Variants in TM4SF20 observed in about 807,000 individuals in gnomAD.
TM4SF20 encodes transmembrane 4 L six family member 20.
Under a neutral mutation model 15.1 loss-of-function variants are expected in TM4SF20, and 13 were observed. The ratio of observed to expected loss-of-function variants is 0.86; its 90% CI spans 0.56 to 1.36. TM4SF20 has a LOEUF of 1.36. Among genes scored for constraint, TM4SF20 ranks in the 40% most tolerant of loss-of-function variants. The pLI is 0.00. For missense variants in TM4SF20, 282 were observed against 268.4 expected, an observed-to-expected ratio of 1.05 and a Z score of -0.35; for synonymous variants, 92 against 96.6, an observed-to-expected ratio of 0.95 and a Z score of 0.28.
At chr2:227,371,021 C>T in intron 1 of TM4SF20, 41 bp from the exon 2 acceptor site, 1 of 1,537,794 alleles carries the variant, frequency 6.5e-7, no homozygotes, top group South Asian at 1.1e-5. Flanking sequence ...ATTATAACTT[C>T]TCATCAGAAG....
In TM4SF20 at chr2:227,363,627, G is replaced by C. The variant is rs530635987; in HGVS notation, c.*97C>G. On this transcript the variant is annotated 3_prime_UTR_variant, in exon 4 of 4. Coordinates refer to ENST00000304568, the MANE Select transcript of TM4SF20 (RefSeq NM_024795.4). ...TTTACAACGTGCTTTCTACGTGAAGGGTTGATTTTTTAAATCATCTCAAAG... is the reference window on the plus strand; with the variant it reads ...TTTACAACGTGCTTTCTACGTGAAGCGTTGATTTTTTAAATCATCTCAAAG... 1.6e-5 allele frequency: 20 copies of C among 1,279,780 alleles called. No homozygotes were observed. In the African/African-American group the frequency reaches 2.4e-4, roughly 15 times the overall value. The allele number at this position is 1,279,780 out of a possible 1,614,324, so 79.3% of individuals were successfully genotyped here.
At position 227,363,731 on chromosome 2, in the gene TM4SF20, ATT is replaced by A; in HGVS notation, c.681_682del (p.Gln227HisfsTer5). 6 of 1,612,408 alleles carry A rather than the reference ATT, an allele frequency of 3.7e-6. No homozygotes were observed. The highest frequency in any genetic ancestry group is 5.1e-6 in the Non-Finnish European group (6 of 1,179,276). ...CATTTTATTCCCATTAAACTACACA[ATT>A]TGACTTCTTCGCTTAGAGACTCCAC... is the stretch of plus-strand genomic sequence containing the variant. On this transcript the variant is annotated frameshift_variant, in exon 4 of 4. Transcript: ENST00000304568. LOFTEE classifies it high-confidence loss of function.
At position 227,362,859 on chromosome 2, in the gene TM4SF20, C is replaced by G. The variant is rs767040561; in HGVS notation, c.*865G>C. On this transcript the variant is annotated 3_prime_UTR_variant, in exon 4 of 4. Coordinates refer to ENST00000304568, the MANE Select transcript of TM4SF20 (RefSeq NM_024795.4). ...AGACCTACCAAAATTAACAATAATCCGATTCTTCTACATACTCCTCCCAAT... is the reference window on the plus strand; with the variant it reads ...AGACCTACCAAAATTAACAATAATCGGATTCTTCTACATACTCCTCCCAAT... 6.6e-6 allele frequency: 1 copy of G among 152,088 alleles called. No individual in the cohort carries two copies. Among genetic ancestry groups the G allele is most frequent in the Non-Finnish European group, 1.5e-5 (1 of 68,016 alleles). The allele number at this position is 152,088 out of a possible 1,614,324, so 9.4% of individuals were successfully genotyped here.
intron 1 of TM4SF20, among the ~76,000 whole-genome samples, chr2:227,372,829 C>G (rs377047645): frequency 7.2e-5 from 11 of 152,108 alleles, no homozygotes; most frequent in Non-Finnish European, 1.3e-4. Context: ...CTCAGCCTCC[C>G]GAGTCGTTGG....
At chr2:227,380,225 G>A (rs1014783748), upstream of TM4SF20, among the ~76,000 whole-genome samples, 1 of 152,250 alleles carries the variant, frequency 6.6e-6, no homozygotes, top group African/African-American at 2.4e-5. Context: ...AGCTACTTGG[G>A]AGGCTGAGGC....
At chr2:227,373,939 A>C (rs2076433956) in intron 1 of TM4SF20, among the ~76,000 whole-genome samples, 1 of 151,794 alleles carries the variant, frequency 6.6e-6, no homozygotes, top group Non-Finnish European at 1.5e-5. Context: ...AAAAAAAAAA[A>C]AAAAAAATAT....
At chr2:227,368,017 C>CTTTTTTTTTTT (rs748891185) in intron 2 of TM4SF20, among the ~76,000 whole-genome samples, 1 of 116,696 alleles carries the variant, frequency 8.6e-6, no homozygotes, top group Non-Finnish European at 1.8e-5. Flanking sequence ...TTTTAACCAT[C>CTTTTTTTTTTT]TATTTTTTTT....
chr2:227,363,903 TC>T lies in TM4SF20; in HGVS notation c.510del (p.Trp170Ter). On this transcript the variant is annotated frameshift_variant, in exon 4 of 4. Coordinates refer to ENST00000304568, the MANE Select transcript of TM4SF20 (RefSeq NM_024795.4). LOFTEE classifies it low-confidence loss of function (END_TRUNC). ...GAATCGAAGTGGAAACTAGATGCTCTCCAGCCACTCGCCATGGTGTCGTTAC... is the reference window on the plus strand; with the variant it reads ...GAATCGAAGTGGAAACTAGATGCTCTCAGCCACTCGCCATGGTGTCGTTAC... ...PTSNDTMASG[W>X]RASSFHFDSE... 1 of 1,613,476 alleles carries T rather than the reference TC, an allele frequency of 6.2e-7. No individual in the cohort carries two copies. Among genetic ancestry groups the T allele is most frequent in the Non-Finnish European group, 8.5e-7 (1 of 1,179,972 alleles).
intron 3 of TM4SF20, among the ~76,000 whole-genome samples, chr2:227,364,767 G>A (rs1238716799): frequency 2.6e-5 from 4 of 152,204 alleles, no homozygotes; most frequent in Admixed American, 6.5e-5. Context: ...ACTAGGCTGA[G>A]AATATCTGAG....
chr2:227,365,668 G>A (rs971138769), intron 3 of TM4SF20, among the ~76,000 whole-genome samples: 11 of 152,074 alleles, frequency 7.2e-5, no homozygotes, highest in African/African-American at 2.7e-4. Flanking sequence ...TTTGCTCATG[G>A]TTGACAAATT....
Position 227,365,719 on chromosome 2 carries a change from T to A in TM4SF20, c.401+374A>T, listed in dbSNP as rs910496944. On this transcript the variant is annotated intron_variant, in intron 3 of 3. Coordinates refer to ENST00000304568, the MANE Select transcript of TM4SF20 (RefSeq NM_024795.4). Reference sequence around the variant, plus strand: ...TGTAGAAAGTAAATGTTCTCTTCACTCTCATAAAGGGAATCCCCTATTTCC... The same window carrying A: ...TGTAGAAAGTAAATGTTCTCTTCACACTCATAAAGGGAATCCCCTATTTCC... Among the ~76,000 whole-genome samples the A allele has an allele frequency of 2.6e-5, 4 of 152,366 alleles. No individual in the cohort carries two copies. The South Asian group carries it at 8.3e-4, about 32-fold the overall frequency.
chr2:227,374,666 T>C (rs2076438466), intron 1 of TM4SF20, among the ~76,000 whole-genome samples: 1 of 152,172 alleles, frequency 6.6e-6, no homozygotes, highest in African/African-American at 2.4e-5. Flanking sequence ...AGTTACATGA[T>C]TTTACAAATG....
intron 1 of TM4SF20, among the ~76,000 whole-genome samples, chr2:227,377,823 G>A (rs781244203): frequency 3.0e-4 from 46 of 152,052 alleles, no homozygotes; most frequent in Non-Finnish European, 6.2e-4. Context: ...CCTGTTGGAG[G>A]GTGGAGAGTG....
In TM4SF20 at chr2:227,362,040, C is replaced by A. The variant is rs1020265314; in HGVS notation, c.*1684G>T. On this transcript the variant is annotated 3_prime_UTR_variant, in exon 4 of 4. Transcript: ENST00000304568. ...AATGTTCAGAAAAAAGGCTTATAAG[C>A]TCTTGATGTTACTAAATTTATTTAG... 1 of 152,132 alleles carries A rather than the reference C, an allele frequency of 6.6e-6. No individual in the cohort carries two copies. The highest frequency in any genetic ancestry group is 1.5e-5 in the Non-Finnish European group (1 of 68,020). The allele number at this position is 152,132 out of a possible 1,614,324, so 9.4% of individuals were successfully genotyped here.
Position 227,363,884 on chromosome 2 carries a change from A to C in TM4SF20, c.530T>G (p.Phe177Cys). The part of the protein sequence containing the change: ...ASGWRASSFH[F>C]DSEENKHRLI... ...CCTATGTTTGTTTTCTTCAGAATCG[A>C]AGTGGAAACTAGATGCTCTCCAGCC... Residue 177 changes from phenylalanine to cysteine, a missense_variant, in exon 4 of 4, where the codon TTC (phenylalanine) becomes TGC (cysteine). Physicochemically the swap from Phe to Cys is radical, Grantham distance 205. Transcript: ENST00000304568. 6.2e-7 allele frequency: 1 copy of C among 1,614,166 alleles called. No homozygotes were observed. Among genetic ancestry groups the C allele is most frequent in the African/African-American group, 1.3e-5 (1 of 75,024 alleles).
chr2:227,371,444 A>T (rs909707329), intron 1 of TM4SF20, among the ~76,000 whole-genome samples: 2 of 152,100 alleles, frequency 1.3e-5, no homozygotes, highest in Non-Finnish European at 2.9e-5. Context: ...GGGCTCAAAT[A>T]ATCCTCCTGC....
chr2:227,363,670 T>G lies in TM4SF20; in HGVS notation c.*54A>C. The G allele has an allele frequency of 6.6e-7, 1 of 1,521,760 alleles. No homozygotes were observed. The allele number at this position is 1,521,760 out of a possible 1,614,324, so 94.3% of individuals were successfully genotyped here. The stretch of plus-strand genomic sequence containing the variant: ...TCTCAAAGATGACTTTGAAAACAAG[T>G]GTACTTCTCAAATTAATTCAAACTA... On this transcript the variant is annotated 3_prime_UTR_variant, in exon 4 of 4. Transcript: ENST00000304568.
chr2:227,363,999 C>T lies in TM4SF20; in HGVS notation c.415G>A (p.Glu139Lys). Residue 139 changes from glutamate to lysine, a missense_variant, in exon 4 of 4, where the codon GAA becomes AAA. Transcript: ENST00000304568. ...AAAAACCACTGCAAGTTGAAGGATT[C>T]TGGATGAATGTCACTGAAAAACAAA... ...SLKNISDIHP[E>K]SFNLQWFFND... 1 of 1,609,756 alleles carries T rather than the reference C, an allele frequency of 6.2e-7. No individual in the cohort carries two copies. Among genetic ancestry groups the T allele is most frequent in the Non-Finnish European group, 8.5e-7 (1 of 1,177,818 alleles).
chr2:227,364,683 T>C (rs1318590000), intron 3 of TM4SF20, among the ~76,000 whole-genome samples: 1 of 152,134 alleles, frequency 6.6e-6, no homozygotes, highest in Non-Finnish European at 1.5e-5. Flanking sequence ...ACATGGAATA[T>C]GAGTGTTTTG....
Sources: gnomAD v4.1 joint callset for allele counts (sites outside exome capture counted in the v4.1 genomes callset) on GRCh38, gnomAD v4.1.1 for gene constraint, MANE v1.5 for transcripts, NCBI Gene and HGNC (gene_info 2026-07-23, HGNC 2026-07-21) for gene names.